Variants in FAR2 observed in about 807,000 individuals in gnomAD.
FAR2 encodes epididymis secretory protein Li 81.
Under a neutral mutation model 56.0 loss-of-function variants are expected in FAR2, and 19 were observed. That is an observed-to-expected ratio of 0.34 (90% CI 0.24 to 0.50). The LOEUF (loss-of-function observed/expected upper bound fraction) is 0.50. FAR2 is among the 20% of genes least tolerant of loss of function. The pLI is 0.98. For synonymous variants in FAR2, 219 were observed against 218.8 expected (o/e 1.00, Z -0.01); for missense variants, 508 against 642.2 (o/e 0.79, Z 2.26).
At chr12:29,322,324 C>A (rs1949565643) in intron 10 of FAR2, among the ~76,000 whole-genome samples, 1 of 152,158 alleles carries the variant, frequency 6.6e-6, no homozygotes, top group Non-Finnish European at 1.5e-5. Flanking sequence ...ACTCAATCAT[C>A]CACTATTCTT....
chr12:29,304,519 T>C (rs1223107586), intron 4 of FAR2, among the ~76,000 whole-genome samples: 1 of 152,152 alleles, frequency 6.6e-6, no homozygotes, highest in African/African-American at 2.4e-5. Context: ...CACTACTTAC[T>C]CTCTAACAGA....
intron 1 of FAR2, among the ~76,000 whole-genome samples, chr12:29,217,601 A>G (rs1443529307): frequency 2.6e-5 from 4 of 152,230 alleles, no homozygotes; most frequent in Non-Finnish European, 4.4e-5. Flanking sequence ...TGTGAGCTGG[A>G]ACTTACCAAA....
intron 1 of FAR2, among the ~76,000 whole-genome samples, chr12:29,228,515 G>A (rs1319638066): frequency 6.6e-6 from 1 of 152,034 alleles, no homozygotes; most frequent in Non-Finnish European, 1.5e-5. Context: ...TCATATTCTG[G>A]CAGATCTTAA....
chr12:29,210,635 C>A (rs566912554), intron 1 of FAR2, among the ~76,000 whole-genome samples: 1 of 152,308 alleles, frequency 6.6e-6, no homozygotes, highest in South Asian at 2.1e-4. Context: ...ACTAAGCTGG[C>A]CATTCCAAAT....
chr12:29,227,931 T>C (rs1410736684), intron 1 of FAR2, among the ~76,000 whole-genome samples: 1 of 151,462 alleles, frequency 6.6e-6, no homozygotes, highest in African/African-American at 2.4e-5. Context: ...TAAGTTCTAA[T>C]GAGAACACTT....
At chr12:29,323,530 G>T (rs527455578) in intron 10 of FAR2, among the ~76,000 whole-genome samples, 3 of 152,290 alleles carry the variant, frequency 2.0e-5, no homozygotes, top group South Asian at 2.1e-4. Context: ...ACACGGCCAG[G>T]TACTCCTCTG....
chr12:29,290,407 C>T (rs1254948017), intron 2 of FAR2, among the ~76,000 whole-genome samples: 1 of 151,636 alleles, frequency 6.6e-6, no homozygotes, highest in African/African-American at 2.4e-5. Context: ...GATTGTGCCA[C>T]TGCACTCCAG....
intron 2 of FAR2, among the ~76,000 whole-genome samples, chr12:29,285,464 C>A (rs1008634347): frequency 6.6e-6 from 1 of 151,936 alleles, no homozygotes; most frequent in African/African-American, 2.4e-5. Flanking sequence ...TTTCAGTTTT[C>A]CTGTTACTCA....
At chr12:29,330,556 A>G (rs1417905315) in intron 10 of FAR2, among the ~76,000 whole-genome samples, 1 of 152,228 alleles carries the variant, frequency 6.6e-6, no homozygotes, top group Non-Finnish European at 1.5e-5. Flanking sequence ...ATTAAAATAT[A>G]ACATTTAATT....
chr12:29,259,129 G>A (rs11831383), intron 1 of FAR2, among the ~76,000 whole-genome samples: 5,406 of 152,186 alleles, frequency 0.036, 315 homozygotes, highest in African/African-American at 0.12. Flanking sequence ...AATTAAAGAA[G>A]GTTCTAGAAA....
chr12:29,278,293 AT>A (rs1948732992), intron 2 of FAR2, among the ~76,000 whole-genome samples: 1 of 151,794 alleles, frequency 6.6e-6, no homozygotes, highest in Non-Finnish European at 1.5e-5. Context: ...ATTTATACAA[AT>A]TTTCAGTAGT....
chr12:29,258,894 A>G (rs1948372080), intron 1 of FAR2, among the ~76,000 whole-genome samples: 2 of 152,194 alleles, frequency 1.3e-5, no homozygotes, highest in South Asian at 2.1e-4. Flanking sequence ...ACTTGGTGAA[A>G]ATGAAAAGTG....
At position 29,310,981 on chromosome 12, in the gene FAR2, A is replaced by G. The variant is rs772302639; in HGVS notation, c.769-47A>G. ...GATGATACATACTTTAGCCCCAGCTATTATTTAAGACCTGGTTTAATATTT... is the reference window on the plus strand; with the variant it reads ...GATGATACATACTTTAGCCCCAGCTGTTATTTAAGACCTGGTTTAATATTT... On this transcript the variant is annotated intron_variant, in intron 6 of 11. Coordinates refer to ENST00000536681, the MANE Select transcript of FAR2 (RefSeq NM_001271783.2). 1.6e-5 allele frequency: 22 copies of G among 1,393,814 alleles called. No individual in the cohort carries two copies. In the Admixed American group the frequency reaches 2.0e-4, roughly 13 times the overall value. 86.3% of individuals were successfully genotyped at this position (1,393,814 alleles called of 1,614,324 possible).
At chr12:29,224,583 T>G (rs1316224216) in intron 1 of FAR2, among the ~76,000 whole-genome samples, 1 of 152,214 alleles carries the variant, frequency 6.6e-6, no homozygotes, top group African/African-American at 2.4e-5. Flanking sequence ...TTGCTTTTCA[T>G]TAAATAATCA....
chr12:29,179,143 T>C (rs980404084), intron 1 of FAR2, among the ~76,000 whole-genome samples: 12 of 152,228 alleles, frequency 7.9e-5, no homozygotes, highest in African/African-American at 2.7e-4. Context: ...GAATTACCTC[T>C]ATAAGGTCCT....
At chr12:29,314,162 T>G (rs1368273225) in intron 8 of FAR2, among the ~76,000 whole-genome samples, 1 of 152,222 alleles carries the variant, frequency 6.6e-6, no homozygotes, top group Non-Finnish European at 1.5e-5. Flanking sequence ...TGCATGAATT[T>G]CTACTTGTCC....
chr12:29,180,411 T>G (rs1483438197), intron 1 of FAR2, among the ~76,000 whole-genome samples: 1 of 152,004 alleles, frequency 6.6e-6, no homozygotes, highest in Non-Finnish European at 1.5e-5. Context: ...AGTTTCCAGT[T>G]CCCTTATGCT....
chr12:29,270,753 A>G, intron 2 of FAR2, 115 bp downstream of exon 2: 1 of 831,794 alleles, frequency 1.2e-6, no homozygotes, highest in Non-Finnish European at 1.7e-6. Flanking sequence ...CTGCACAGGT[A>G]GAGGAAGGCA....
At chr12:29,158,919 G>A (rs1949754659) in intron 1 of FAR2, among the ~76,000 whole-genome samples, 2 of 152,164 alleles carry the variant, frequency 1.3e-5, no homozygotes, top group Admixed American at 1.3e-4. Context: ...TCTTATGACT[G>A]CAAATCCCAT....
Sources: allele counts gnomAD v4.1 joint callset (sites outside exome capture counted in the v4.1 genomes callset), GRCh38; gene constraint gnomAD v4.1.1; transcripts MANE v1.5; gene names NCBI Gene and HGNC (gene_info 2026-07-23, HGNC 2026-07-21).